BTRC: variants seen among roughly 807,000 people sequenced by gnomAD.
BTRC encodes the protein F-box/WD repeat-containing protein 1A.
A neutral mutation model predicts 85.5 loss-of-function variants in BTRC; 42 were observed. The observed-to-expected ratio is 0.49, with a 90% CI of 0.38 to 0.64. The LOEUF is 0.64. Among genes scored for constraint, BTRC ranks in the 30% least tolerant of loss-of-function variants. The probability of loss-of-function intolerance (pLI) is 0.00; values close to 1 mark genes in which losing one functional copy is unlikely to be tolerated. For missense variants in BTRC, 594 were observed against 743.5 expected (o/e 0.80, Z 2.34); for synonymous variants, 255 against 263.3 (o/e 0.97, Z 0.30).
chr10:101,485,360 G>T (rs927758348), intron 4 of BTRC, among the ~76,000 whole-genome samples: 1 of 152,238 alleles, frequency 6.6e-6, no homozygotes, highest in Non-Finnish European at 1.5e-5. Flanking sequence ...ACTTTGCCCT[G>T]AGTGGGCATC....
chr10:101,366,970 A>T lies in BTRC; in HGVS notation c.48+12742A>T, dbSNP rs1438204382. Among the ~76,000 whole-genome samples the T allele has an allele frequency of 1.8e-4, 11 of 61,852 alleles. 1 individual carries two copies. Among genetic ancestry groups the T allele is most frequent in the Admixed American group, 3.2e-4 (1 of 3,142 alleles). The allele number at this position is 61,852 out of a possible 152,430, so 40.6% of individuals were successfully genotyped here. A position where few individuals can be genotyped will look rare whatever the true frequency, so the allele number is the denominator to read the frequency against. ...TATTTATATATATATTTATATAAATATATATTTATATATTTATATATATTA... is the reference window on the plus strand; with the variant it reads ...TATTTATATATATATTTATATAAATTTATATTTATATATTTATATATATTA... On this transcript the variant is annotated intron_variant, in intron 1 of 14. Transcript: ENST00000370187.
intron 1 of BTRC, among the ~76,000 whole-genome samples, chr10:101,401,849 AAAAAAG>A (rs1284159317): frequency 7.3e-5 from 11 of 151,638 alleles, no homozygotes; most frequent in Admixed American, 7.2e-4. Context: ...AAAAAAAAAA[AAAAAAG>A]AAAAAGAAAA....
chr10:101,371,804 A>C (rs1172183203), intron 1 of BTRC, among the ~76,000 whole-genome samples: 1 of 151,788 alleles, frequency 6.6e-6, no homozygotes, highest in East Asian at 1.9e-4. Context: ...TAATTTTTGC[A>C]TATGGTGTGA....
intron 5 of BTRC, among the ~76,000 whole-genome samples, chr10:101,525,522 C>T (rs1388526462): frequency 6.6e-6 from 1 of 152,118 alleles, no homozygotes; most frequent in African/African-American, 2.4e-5. Context: ...TAACCCAGCA[C>T]ATTCTGACTT....
intron 3 of BTRC, among the ~76,000 whole-genome samples, chr10:101,468,878 T>C (rs979318473): frequency 3.9e-5 from 6 of 152,226 alleles, no homozygotes; most frequent in African/African-American, 1.4e-4. Context: ...AAACCTTCTA[T>C]TGATTAGCCA....
chr10:101,442,889 C>CTTTT (rs755689728), intron 2 of BTRC, among the ~76,000 whole-genome samples: 10 of 122,378 alleles, frequency 8.2e-5, no homozygotes, highest in East Asian at 4.8e-4. Context: ...CTCACTTGCT[C>CTTTT]TTTTTTTTTT....
rs71016324 is a variant in BTRC at position 101,475,922 on chromosome 10, CATATATATAT to C, written c.235-3423_235-3414del. On this transcript the variant is annotated intron_variant, in intron 3 of 14. Transcript: ENST00000370187. ...TTTGCATAGTCTCCAAGTATTTTGC[CATATATATAT>C]ATATATATATATATATATATATTCA... Among the ~76,000 whole-genome samples, 652 of 67,566 alleles carry C rather than the reference CATATATATAT, an allele frequency of 9.6e-3. 35 individuals are homozygous for C. The highest frequency in any genetic ancestry group is 0.029 in the African/African-American group (599 of 20,616). The allele number at this position is 67,566 out of a possible 152,430, so 44.3% of individuals were successfully genotyped here. A position where few individuals can be genotyped will look rare whatever the true frequency, so the allele number is the denominator to read the frequency against.
intron 2 of BTRC, among the ~76,000 whole-genome samples, chr10:101,446,016 C>G (rs912554773): frequency 6.6e-6 from 1 of 152,024 alleles, no homozygotes; most frequent in Non-Finnish European, 1.5e-5. Flanking sequence ...AATCCATTTG[C>G]TGGGTCACTG....
chr10:101,401,271 G>C (rs997562096), intron 1 of BTRC, among the ~76,000 whole-genome samples: 1 of 152,144 alleles, frequency 6.6e-6, no homozygotes, highest in African/African-American at 2.4e-5. Context: ...CTCTTATCAC[G>C]TGAATGAGCA....
chr10:101,543,432 A>G (rs2062503394), intron 13 of BTRC, among the ~76,000 whole-genome samples: 1 of 145,682 alleles, frequency 6.9e-6, no homozygotes, highest in Non-Finnish European at 1.5e-5. Flanking sequence ...AATTTCTCAT[A>G]TTCAGCATAT....
rs558874208 is a variant in BTRC at position 101,404,390 on chromosome 10, G to A, written c.49-25955G>A. ...TAATTTCACCGTCTGTGCCATCTTG[G>A]TATTGGCATCTGTTGATACCAGTTG... is the stretch of plus-strand genomic sequence containing the variant. On this transcript the variant is annotated intron_variant, in intron 1 of 14. Transcript: ENST00000370187. Among the ~76,000 whole-genome samples, 4 of 152,122 alleles carry A rather than the reference G, an allele frequency of 2.6e-5. No homozygotes were observed. In the East Asian group the frequency reaches 5.8e-4, roughly 22 times the overall value.
At chr10:101,546,843 A>T (rs181302813) in intron 13 of BTRC, among the ~76,000 whole-genome samples, 4 of 152,278 alleles carry the variant, frequency 2.6e-5, no homozygotes, top group Admixed American at 2.6e-4. Flanking sequence ...AATGAAAGAG[A>T]TCCCAGATCT....
intron 4 of BTRC, among the ~76,000 whole-genome samples, chr10:101,508,395 C>T (rs1332857071): frequency 6.6e-6 from 1 of 152,136 alleles, no homozygotes; most frequent in Non-Finnish European, 1.5e-5. Flanking sequence ...GTTCACTAAT[C>T]AGATTTGACA....
At chr10:101,504,437 A>C (rs1946467371) in intron 4 of BTRC, among the ~76,000 whole-genome samples, 1 of 149,282 alleles carries the variant, frequency 6.7e-6, no homozygotes, top group African/African-American at 2.5e-5. Context: ...TCCTGTAGCC[A>C]TCTCCCTCCA....
intron 13 of BTRC, among the ~76,000 whole-genome samples, chr10:101,550,474 G>A (rs1303888013): frequency 6.6e-6 from 1 of 151,866 alleles, no homozygotes; most frequent in African/African-American, 2.4e-5. Flanking sequence ...TATAGAGATG[G>A]GGTTTCACTG....
chr10:101,479,402 A>G lies in BTRC; in HGVS notation c.269A>G (p.Gln90Arg), dbSNP rs762677464. Residue 90 changes from glutamine (Q) to arginine (R), a missense_variant, in exon 4 of 15, where the codon CAA (glutamine) becomes CGA (arginine). Gln to Arg is a conservative substitution (Grantham distance 43). Transcript: ENST00000370187. ...YNSCARLCLN[Q>R]ETVCLASTAM... is the part of the protein sequence containing the mutation. ...AGCTGTGCCAGACTCTGCTTAAACC[A>G]AGAAACAGTATGTTTAGCAAGCACT... 8.7e-6 allele frequency: 14 copies of G among 1,613,462 alleles called. No individual in the cohort carries two copies. Among genetic ancestry groups the G allele is most frequent in the Non-Finnish European group, 1.2e-5 (14 of 1,179,570 alleles).
At chr10:101,430,283 TC>T in intron 1 of BTRC, 61 bp from the exon 2 acceptor site, 1 of 1,152,832 alleles carries the variant, frequency 8.7e-7, no homozygotes, top group East Asian at 2.5e-5. Flanking sequence ...CCTTAAAAAT[TC>T]CTGTAATCTG....
At chr10:101,373,790 C>T (rs538146041) in intron 1 of BTRC, among the ~76,000 whole-genome samples, 143 of 151,824 alleles carry the variant, frequency 9.4e-4, no homozygotes, top group African/African-American at 3.2e-3. Context: ...TGGTGGTGGG[C>T]GCCTGTAGTC....
At chr10:101,395,156 CAG>C (rs1589418606) in intron 1 of BTRC, among the ~76,000 whole-genome samples, 1 of 152,110 alleles carries the variant, frequency 6.6e-6, no homozygotes, top group East Asian at 1.9e-4. Flanking sequence ...AGGCCTCACA[CAG>C]AGGGATTTTC....
Sources: gnomAD v4.1 joint callset for allele counts (sites outside exome capture counted in the v4.1 genomes callset) on GRCh38, gnomAD v4.1.1 for gene constraint, MANE v1.5 for transcripts, NCBI Gene and HGNC (gene_info 2026-07-23, HGNC 2026-07-21) for gene names.